PLXNA4: variants seen among roughly 807,000 people sequenced by gnomAD.
PLXNA4 encodes the protein plexin-A4.
Under a neutral mutation model 191.8 loss-of-function variants are expected in PLXNA4, and 44 were observed. The ratio of observed to expected loss-of-function variants is 0.23; its 90% CI spans 0.18 to 0.29. The LOEUF (loss-of-function observed/expected upper bound fraction) is 0.29. Ranked by LOEUF, PLXNA4 falls within the 10% of genes least tolerant of loss-of-function variation. The pLI is 1.00. For synonymous variants in PLXNA4, 1,082 were observed against 1,009.5 expected (o/e 1.07, Z -1.36); for missense variants, 1,800 against 2,488.8 (o/e 0.72, Z 5.89).
At chr7:132,398,371 T>C (rs1793844489) in intron 3 of PLXNA4, among the ~76,000 whole-genome samples, 1 of 152,236 alleles carries the variant, frequency 6.6e-6, no homozygotes. Context: ...CTCTCCTGAA[T>C]AGCCCATGTC....
chr7:132,165,730 T>G (rs373423927), intron 22 of PLXNA4, among the ~76,000 whole-genome samples: 1 of 116,634 alleles, frequency 8.6e-6, no homozygotes, highest in Non-Finnish European at 1.9e-5. Flanking sequence ...AAAAAAAAAA[T>G]CCCAAATCCT....
intron 25 of PLXNA4, among the ~76,000 whole-genome samples, chr7:132,152,155 T>G (rs925657891): frequency 3.9e-5 from 6 of 152,188 alleles, no homozygotes; most frequent in African/African-American, 1.4e-4. Flanking sequence ...GCCATAGAGC[T>G]CTACTGAGTA....
intron 18 of PLXNA4, among the ~76,000 whole-genome samples, chr7:132,181,140 T>C (rs992371947): frequency 2.6e-5 from 4 of 152,138 alleles, no homozygotes; most frequent in African/African-American, 9.7e-5. Flanking sequence ...TTCAGGACAA[T>C]AAAAGCTTGA....
chr7:132,175,837 A>G (rs867028239), intron 20 of PLXNA4, among the ~76,000 whole-genome samples: 4 of 152,254 alleles, frequency 2.6e-5, no homozygotes, highest in Admixed American at 6.5e-5. Context: ...ATGGACCACC[A>G]GGATGGATTA....
At chr7:132,173,105 A>ACACG in intron 21 of PLXNA4, among the ~76,000 whole-genome samples, 8 of 152,114 alleles carry the variant, frequency 5.3e-5, no homozygotes, top group African/African-American at 1.7e-4. Context: ...ACATCCAATC[A>ACACG]TACACACACA....
chr7:132,182,097 A>G lies in PLXNA4; in HGVS notation c.3252T>C (p.Asn1084=). Residue 1084 remains asparagine, a splice_region_variant and synonymous_variant, in exon 17 of 32, where the codon AAT becomes AAC. Coordinates refer to ENST00000321063, the MANE Select transcript of PLXNA4 (RefSeq NM_020911.2). ...RAKHGGKEHI[N]ICEVLNATEM... ...TGAACCCCATCAGCCCTACACTCACATTGATGTGCTCCTTCCCTCCATGCT... is the reference window on the plus strand; with the variant it reads ...TGAACCCCATCAGCCCTACACTCACGTTGATGTGCTCCTTCCCTCCATGCT... The G allele has an allele frequency of 1.2e-6, 2 of 1,614,140 alleles. No individual in the cohort carries two copies. The highest frequency in any genetic ancestry group is 1.7e-6 in the Non-Finnish European group (2 of 1,180,040).
At chr7:132,499,719 A>G (rs893663343) in intron 2 of PLXNA4, among the ~76,000 whole-genome samples, 2 of 152,176 alleles carry the variant, frequency 1.3e-5, no homozygotes, top group African/African-American at 4.8e-5. Flanking sequence ...ATTAGTGGAA[A>G]TAAATTTTAT....
chr7:132,288,076 G>C (rs545772916), intron 4 of PLXNA4, among the ~76,000 whole-genome samples: 16 of 152,276 alleles, frequency 1.1e-4, no homozygotes, highest in African/African-American at 3.8e-4. Context: ...CTCGTTGGAG[G>C]AGGGGGCTGG....
intron 3 of PLXNA4, among the ~76,000 whole-genome samples, chr7:132,347,486 C>T (rs527462322): frequency 1.3e-5 from 2 of 152,152 alleles, no homozygotes; most frequent in Non-Finnish European, 2.9e-5. Context: ...ACAAAAGGAT[C>T]GGGAACCAAC....
chr7:132,484,944 C>T, intron 3 of PLXNA4: 1 of 1,614,156 alleles, frequency 6.2e-7, no homozygotes, highest in Non-Finnish European at 8.5e-7. Context: ...GCAATGTTCG[C>T]CCCAGGTGGG....
At chr7:132,290,960 C>A (rs1202583140) in intron 4 of PLXNA4, among the ~76,000 whole-genome samples, 1 of 152,196 alleles carries the variant, frequency 6.6e-6, no homozygotes, top group East Asian at 1.9e-4. Context: ...TCTTTCTGAG[C>A]TAAGCTCTTT....
chr7:132,381,864 A>G (rs1804907336), intron 3 of PLXNA4, among the ~76,000 whole-genome samples: 1 of 152,214 alleles, frequency 6.6e-6, no homozygotes, highest in South Asian at 2.1e-4. Context: ...GCAGCCCACA[A>G]TCCCTCCAGG....
At chr7:132,278,044 G>C (rs1216000400) in intron 4 of PLXNA4, among the ~76,000 whole-genome samples, 1 of 152,182 alleles carries the variant, frequency 6.6e-6, no homozygotes, top group Non-Finnish European at 1.5e-5. Flanking sequence ...AATAATAAGT[G>C]TACCTCACTT....
intron 25 of PLXNA4, among the ~76,000 whole-genome samples, chr7:132,150,720 C>G (rs1795571854): frequency 6.6e-6 from 1 of 152,242 alleles, no homozygotes; most frequent in Non-Finnish European, 1.5e-5. Context: ...TGCAAGGGCA[C>G]TGCTTGCTGA....
intron 1 of PLXNA4, among the ~76,000 whole-genome samples, chr7:132,568,956 A>C (rs1298035108): frequency 6.6e-6 from 1 of 152,242 alleles, no homozygotes; most frequent in Admixed American, 6.5e-5. Flanking sequence ...GGGCTCCTGC[A>C]GGGGTAACCC....
chr7:132,162,101 T>C (rs1795968836), intron 24 of PLXNA4, among the ~76,000 whole-genome samples: 1 of 152,200 alleles, frequency 6.6e-6, no homozygotes. Flanking sequence ...TTTTAGCAGG[T>C]CCATAGCACT....
At chr7:132,589,183 T>A (rs1007080940) in intron 2 of PLXNA4, among the ~76,000 whole-genome samples, 1 of 152,092 alleles carries the variant, frequency 6.6e-6, no homozygotes, top group Non-Finnish European at 1.5e-5. Context: ...GGGTTTCAGG[T>A]GAGTAGGGGA....
intron 3 of PLXNA4, among the ~76,000 whole-genome samples, chr7:132,432,152 C>T (rs540924512): frequency 2.3e-4 from 35 of 152,256 alleles, no homozygotes; most frequent in African/African-American, 8.4e-4. Flanking sequence ...CTCCAAGAAG[C>T]TGGGTATCCC....
intron 16 of PLXNA4, among the ~76,000 whole-genome samples, chr7:132,184,835 G>A (rs750283873): frequency 5.3e-5 from 8 of 152,312 alleles, no homozygotes; most frequent in South Asian, 2.1e-4. Flanking sequence ...AAGAGGATAG[G>A]TATTTGGATG....
Sources: allele counts gnomAD v4.1 joint callset (sites outside exome capture counted in the v4.1 genomes callset), GRCh38; gene constraint gnomAD v4.1.1; transcripts MANE v1.5; gene names NCBI Gene and HGNC (gene_info 2026-07-23, HGNC 2026-07-21).